AP3B1: variants seen among roughly 807,000 people sequenced by gnomAD.
AP3B1 encodes the protein AP-3 complex subunit beta-1.
A neutral mutation model predicts 132.5 loss-of-function variants in AP3B1; 61 were observed. The observed-to-expected ratio is 0.46, with a 90% CI of 0.37 to 0.57. AP3B1 has a LOEUF of 0.57. Among genes scored for constraint, AP3B1 ranks in the 20% least tolerant of loss-of-function variants. The pLI, the probability that AP3B1 is intolerant of heterozygous loss-of-function variation, is 0.00. For synonymous variants in AP3B1, 388 were observed against 438.3 expected (o/e 0.89, Z 1.43); for missense variants, 1,120 against 1,289.4 (o/e 0.87, Z 2.01).
rs375037354 is a variant in AP3B1, at chr5:78,091,321, C to T, written c.2471-1822G>A. ...GTAACAATACAGTCCATAAATGATACGGCCAAAGAAGAAAAATTTCAAAGG... is the reference window on the plus strand; with the variant it reads ...GTAACAATACAGTCCATAAATGATATGGCCAAAGAAGAAAAATTTCAAAGG... On this transcript the variant is annotated intron_variant, in intron 21 of 26. Transcript: ENST00000255194. 1.2e-4 allele frequency among the ~76,000 whole-genome samples: 16 copies of T among 138,270 alleles called. No individual in the cohort carries two copies. The East Asian group carries it at 1.6e-3, about 14-fold the overall frequency. 90.7% of individuals were successfully genotyped at this position (138,270 alleles called of 152,430 possible).
chr5:78,282,562 A>C (rs186561912), intron 1 of AP3B1, among the ~76,000 whole-genome samples: 1 of 152,314 alleles, frequency 6.6e-6, no homozygotes, highest in African/African-American at 2.4e-5. Context: ...TTGCCATTAA[A>C]AGTAAATATA....
intron 22 of AP3B1, among the ~76,000 whole-genome samples, chr5:78,070,462 A>C (rs1749489428): frequency 1.3e-5 from 2 of 152,036 alleles, no homozygotes; most frequent in Admixed American, 1.3e-4. Context: ...ACACCCTAGA[A>C]GAAAATCTAG....
chr5:78,112,927 A>G (rs1000758462), intron 19 of AP3B1, among the ~76,000 whole-genome samples: 3 of 152,252 alleles, frequency 2.0e-5, no homozygotes, highest in African/African-American at 7.2e-5. Flanking sequence ...GAAAAACAAT[A>G]TAAATCACTT....
intron 24 of AP3B1, among the ~76,000 whole-genome samples, chr5:78,024,533 G>A (rs1747248149): frequency 6.7e-6 from 1 of 150,204 alleles, no homozygotes; most frequent in South Asian, 2.1e-4. Context: ...GGGACTACAG[G>A]CACATGCCAC....
At chr5:78,072,048 T>A (rs556728156) in intron 22 of AP3B1, among the ~76,000 whole-genome samples, 1 of 152,200 alleles carries the variant, frequency 6.6e-6, no homozygotes, top group African/African-American at 2.4e-5. Flanking sequence ...TGTAAATGAA[T>A]GAGTTTCTGA....
chr5:78,210,897 C>A, intron 7 of AP3B1, among the ~76,000 whole-genome samples: 1 of 151,994 alleles, frequency 6.6e-6, no homozygotes, highest in Non-Finnish European at 1.5e-5. Context: ...TAGGTTTATG[C>A]TTCAAGAAAT....
At chr5:78,084,434 G>A (rs1341155680) in intron 22 of AP3B1, among the ~76,000 whole-genome samples, 9 of 149,598 alleles carry the variant, frequency 6.0e-5, no homozygotes, top group Admixed American at 5.4e-4. Context: ...TGAGGTAGAA[G>A]GATGGCTTGA....
chr5:78,054,397 T>C (rs1014313660), intron 22 of AP3B1, among the ~76,000 whole-genome samples: 2 of 151,614 alleles, frequency 1.3e-5, no homozygotes, highest in African/African-American at 4.9e-5. Flanking sequence ...GAAGAAGGAA[T>C]AGGAAGATGG....
At chr5:78,220,922 G>A (rs1392053520) in intron 6 of AP3B1, among the ~76,000 whole-genome samples, 1 of 152,060 alleles carries the variant, frequency 6.6e-6, no homozygotes, top group East Asian at 1.9e-4. Flanking sequence ...GGTGGTGCAT[G>A]TCTATAGTCC....
intron 1 of AP3B1, among the ~76,000 whole-genome samples, chr5:78,287,057 T>C (rs192716593): frequency 6.6e-6 from 1 of 152,230 alleles, no homozygotes; most frequent in Admixed American, 6.5e-5. Context: ...TGTCATTCTA[T>C]GAGCATTTAT....
intron 24 of AP3B1, among the ~76,000 whole-genome samples, chr5:78,031,215 A>G (rs1747562432): frequency 6.6e-6 from 1 of 152,068 alleles, no homozygotes; most frequent in African/African-American, 2.4e-5. Flanking sequence ...TATCATTACT[A>G]TGGGTCTCCT....
intron 1 of AP3B1, among the ~76,000 whole-genome samples, chr5:78,288,251 G>C (rs915276506): frequency 2.6e-5 from 4 of 152,148 alleles, no homozygotes; most frequent in Non-Finnish European, 2.9e-5. Context: ...TTGTATACTT[G>C]AATTACTGAC....
At chr5:78,182,554 G>A (rs1430220064) in intron 7 of AP3B1, among the ~76,000 whole-genome samples, 1 of 152,178 alleles carries the variant, frequency 6.6e-6, no homozygotes. Flanking sequence ...TGAGTTCCCT[G>A]GGTTTTCTTT....
intron 8 of AP3B1, among the ~76,000 whole-genome samples, chr5:78,179,778 G>A (rs561447948): frequency 9.2e-5 from 14 of 151,818 alleles, no homozygotes; most frequent in Non-Finnish European, 1.6e-4. Flanking sequence ...ACTTAAGTAC[G>A]AGGTTAAAAA....
At chr5:78,184,024 C>T (rs757009386) in intron 7 of AP3B1, among the ~76,000 whole-genome samples, 6 of 151,360 alleles carry the variant, frequency 4.0e-5, no homozygotes, top group Non-Finnish European at 8.9e-5. Context: ...AAAAATTAGC[C>T]AGGCATGGTG....
chr5:78,226,984 G>C (rs4524491), intron 5 of AP3B1, among the ~76,000 whole-genome samples: 50,691 of 151,814 alleles, frequency 0.33, 8,563 homozygotes, highest in Middle Eastern at 0.43. Context: ...ACACATATAA[G>C]TGAGTTGAGA....
chr5:78,118,692 G>T (rs1222492232), intron 17 of AP3B1, among the ~76,000 whole-genome samples: 3 of 152,222 alleles, frequency 2.0e-5, no homozygotes, highest in Non-Finnish European at 4.4e-5. Context: ...GAACTGGATG[G>T]AGCCCACCAC....
chr5:78,158,074 T>C (rs1392420320), intron 13 of AP3B1, among the ~76,000 whole-genome samples: 3 of 152,226 alleles, frequency 2.0e-5, no homozygotes, highest in Non-Finnish European at 4.4e-5. Context: ...AAATGTATTT[T>C]TTATAAAGCT....
intron 7 of AP3B1, among the ~76,000 whole-genome samples, chr5:78,187,337 G>C (rs1006518973): frequency 2.2e-4 from 33 of 152,118 alleles, no homozygotes; most frequent in African/African-American, 8.0e-4. Context: ...GATACATAAT[G>C]AAAGTGCTGT....
Sources: allele counts gnomAD v4.1 joint callset (sites outside exome capture counted in the v4.1 genomes callset), GRCh38; gene constraint gnomAD v4.1.1; transcripts MANE v1.5; gene names NCBI Gene and HGNC (gene_info 2026-07-23, HGNC 2026-07-21).